The following NPAS3 variants were observed in gnomAD, a reference collection of about 807,000 sequenced individuals.
NPAS3 encodes the protein neuronal PAS domain-containing protein 3.
A neutral mutation model predicts 73.1 loss-of-function variants in NPAS3; 14 were observed. The observed-to-expected ratio is 0.19, with a 90% confidence interval of 0.13 to 0.30. NPAS3 has a LOEUF of 0.30. Ranked by LOEUF, NPAS3 falls within the 10% of genes least tolerant of loss-of-function variation. The pLI is 1.00. For synonymous variants in NPAS3, 620 were observed against 541.5 expected (o/e 1.14, Z -2.01); for missense variants, 1,096 against 1,250.0 (o/e 0.88, Z 1.86).
intron 3 of NPAS3, among the ~76,000 whole-genome samples, chr14:33,316,186 A>G (rs577270667): frequency 1.3e-5 from 2 of 152,240 alleles, no homozygotes; most frequent in South Asian, 4.1e-4. Flanking sequence ...CATATCAGTT[A>G]CCTTAATTGC....
At chr14:33,516,413 T>C (rs970468539) in intron 4 of NPAS3, among the ~76,000 whole-genome samples, 22 of 152,296 alleles carry the variant, frequency 1.4e-4, no homozygotes, top group African/African-American at 5.3e-4. Context: ...GTTTTTCTGT[T>C]CCCTCCTCAT....
chr14:33,662,100 G>A (rs1482801103), intron 5 of NPAS3, among the ~76,000 whole-genome samples: 2 of 152,214 alleles, frequency 1.3e-5, no homozygotes, highest in Non-Finnish European at 2.9e-5. Flanking sequence ...ATGGAAGCAA[G>A]GTTTATGGTA....
chr14:33,632,815 G>A (rs1186708132), intron 5 of NPAS3, among the ~76,000 whole-genome samples: 1 of 152,140 alleles, frequency 6.6e-6, no homozygotes, highest in Admixed American at 6.5e-5. Context: ...CTCAAGAGAT[G>A]ACCTAAGTAA....
At chr14:33,225,501 A>C (rs2047596508) in intron 3 of NPAS3, among the ~76,000 whole-genome samples, 1 of 152,236 alleles carries the variant, frequency 6.6e-6, no homozygotes, top group South Asian at 2.1e-4. Flanking sequence ...TAAATAATTT[A>C]GCTGTTGTTG....
At chr14:33,356,124 G>A (rs2045327096) in intron 3 of NPAS3, among the ~76,000 whole-genome samples, 2 of 152,216 alleles carry the variant, frequency 1.3e-5, no homozygotes, top group South Asian at 4.1e-4. Flanking sequence ...AGGGAATACA[G>A]AGTATACATT....
intron 5 of NPAS3, among the ~76,000 whole-genome samples, chr14:33,623,163 C>T (rs570343752): frequency 2.0e-5 from 3 of 152,222 alleles, no homozygotes; most frequent in African/African-American, 7.2e-5. Context: ...CTGATCCATC[C>T]AACTATAAAG....
At chr14:33,268,743 C>T (rs1192523545) in intron 3 of NPAS3, among the ~76,000 whole-genome samples, 1 of 152,092 alleles carries the variant, frequency 6.6e-6, no homozygotes, top group Non-Finnish European at 1.5e-5. Flanking sequence ...CTGTTTTTTC[C>T]ATGCCAGTCT....
rs188979051 is a variant in NPAS3, at chr14:33,533,447, G to T, written c.469-26674G>T. 2.7e-3 allele frequency among the ~76,000 whole-genome samples: 405 copies of T among 152,232 alleles called. 1 individual carries two copies. The highest frequency in any genetic ancestry group is 8.5e-3 in the African/African-American group (355 of 41,556). ...TGCTTTTGCTTCACAGATTGGCCAA[G>T]TTCGAAAAGACTGATGGCATCAAAT... On this transcript the variant is annotated intron_variant, in intron 4 of 11. Coordinates refer to ENST00000356141, the Ensembl canonical transcript of NPAS3.
At chr14:33,566,378 C>T (rs190520402) in intron 5 of NPAS3, among the ~76,000 whole-genome samples, 106 of 152,184 alleles carry the variant, frequency 7.0e-4, no homozygotes, top group Non-Finnish European at 5.0e-4. Flanking sequence ...AAGGTTCCTC[C>T]CGGCAGGATC....
intron 2 of NPAS3, among the ~76,000 whole-genome samples, chr14:33,168,166 G>A (rs1220516947): frequency 6.6e-6 from 1 of 152,170 alleles, no homozygotes; most frequent in Admixed American, 6.5e-5. Context: ...CTCACAGGCT[G>A]AGGTGCTCAC....
chr14:33,658,735 G>A (rs2059221582), intron 5 of NPAS3, among the ~76,000 whole-genome samples: 1 of 152,136 alleles, frequency 6.6e-6, no homozygotes, highest in South Asian at 2.1e-4. Context: ...GAGATGCAAA[G>A]ACTCTGTGAT....
At chr14:33,776,232 AG>A in intron 8 of NPAS3, among the ~76,000 whole-genome samples, 2 of 152,312 alleles carry the variant, frequency 1.3e-5, no homozygotes, top group South Asian at 4.1e-4. Context: ...AGATCCAACC[AG>A]GGAAGACAGA....
intron 4 of NPAS3, among the ~76,000 whole-genome samples, chr14:33,494,978 A>G (rs774164590): frequency 6.6e-6 from 1 of 152,062 alleles, no homozygotes; most frequent in Admixed American, 6.6e-5. Flanking sequence ...TACCTCCTTC[A>G]GTTCTGCTCT....
chr14:33,803,747 CTG>C (rs2063770386), downstream of NPAS3: 4 of 149,278 alleles, frequency 2.7e-5, no homozygotes, highest in Non-Finnish European at 5.9e-5. Context: ...CCTGTGAAGA[CTG>C]TGTCTGTGTT....
intron 3 of NPAS3, among the ~76,000 whole-genome samples, chr14:33,286,268 AT>A (rs1442937274): frequency 1.3e-5 from 2 of 152,166 alleles, no homozygotes; most frequent in Non-Finnish European, 2.9e-5. Context: ...CCTCAATAGA[AT>A]TTCATATAAT....
chr14:32,959,376 T>C (rs1176331920), intron 1 of NPAS3, among the ~76,000 whole-genome samples: 1 of 152,228 alleles, frequency 6.6e-6, no homozygotes, highest in Non-Finnish European at 1.5e-5. Flanking sequence ...CATCTGTGTG[T>C]TCACACTTCA....
At chr14:33,680,801 C>A in intron 6 of NPAS3, 1 of 588,482 alleles carries the variant, frequency 1.7e-6, no homozygotes, top group East Asian at 2.8e-5. Context: ...TGAGGCAGTA[C>A]TTTGGATGAT....
intron 2 of NPAS3, among the ~76,000 whole-genome samples, chr14:33,187,252 T>G (rs1402989847): frequency 6.6e-6 from 1 of 152,194 alleles, no homozygotes; most frequent in South Asian, 2.1e-4. Flanking sequence ...CTTTCTGACT[T>G]TCTCCATTCC....
At chr14:33,471,107 G>A (rs17101316) in intron 4 of NPAS3, among the ~76,000 whole-genome samples, 5,835 of 152,180 alleles carry the variant, frequency 0.038, 358 homozygotes, top group African/African-American at 0.13. Flanking sequence ...GCTCTTCTGA[G>A]TTAATAACAA....
Sources: gnomAD v4.1 joint callset for allele counts (sites outside exome capture counted in the v4.1 genomes callset) on GRCh38, gnomAD v4.1.1 for gene constraint, MANE v1.5 for transcripts, NCBI Gene and HGNC (gene_info 2026-07-23, HGNC 2026-07-21) for gene names.